The following WARS2 variants were observed in gnomAD, a reference collection of about 807,000 sequenced individuals.
WARS2 encodes the protein tryptophanyl tRNA synthetase 2, mitochondrial.
A neutral mutation model predicts 36.5 loss-of-function variants in WARS2; 28 were observed. The observed-to-expected ratio is 0.77, with a 90% CI of 0.57 to 1.05. The LOEUF (loss-of-function observed/expected upper bound fraction) is 1.05. WARS2 is among the 50% of genes least tolerant of loss of function. The pLI, the probability that WARS2 is intolerant of heterozygous loss-of-function variation, is 0.00. For synonymous variants in WARS2, 174 were observed against 178.4 expected (o/e 0.98, Z 0.20); for missense variants, 435 against 456.8 (o/e 0.95, Z 0.44).
At chr1:119,070,415 G>C (rs887181197) in intron 2 of WARS2, among the ~76,000 whole-genome samples, 2 of 151,968 alleles carry the variant, frequency 1.3e-5, no homozygotes, top group East Asian at 3.9e-4. Flanking sequence ...ACAGGCGTGC[G>C]ACACCACGCC....
chr1:119,105,893 G>A (rs1190772554), intron 1 of WARS2, among the ~76,000 whole-genome samples: 2 of 152,160 alleles, frequency 1.3e-5, no homozygotes, highest in African/African-American at 2.4e-5. Flanking sequence ...CTAAGCAACA[G>A]AGTGAGACTC....
intron 1 of WARS2, among the ~76,000 whole-genome samples, chr1:119,109,636 G>T (rs1654491489): frequency 6.6e-6 from 1 of 151,546 alleles, no homozygotes; most frequent in Non-Finnish European, 1.5e-5. Context: ...ATTCTTGTTG[G>T]TTTTTTTGAT....
At chr1:119,117,896 T>C (rs1354726532) in intron 1 of WARS2, among the ~76,000 whole-genome samples, 5 of 152,160 alleles carry the variant, frequency 3.3e-5, no homozygotes, top group African/African-American at 1.2e-4. Context: ...ATCACATCAA[T>C]GGACCACCCT....
At chr1:119,067,611 T>G (rs1021899307) in intron 2 of WARS2, among the ~76,000 whole-genome samples, 2 of 152,192 alleles carry the variant, frequency 1.3e-5, no homozygotes, top group African/African-American at 4.8e-5. Flanking sequence ...TCAAGGAGCC[T>G]AGGGTGGGAG....
intron 4 of WARS2, among the ~76,000 whole-genome samples, chr1:119,035,948 G>A (rs1278035313): frequency 2.0e-5 from 3 of 152,318 alleles, no homozygotes; most frequent in East Asian, 3.9e-4. Flanking sequence ...GCTCACGCTT[G>A]TAATGCAGCA....
At chr1:119,051,048 T>C (rs1406810136) in intron 2 of WARS2, among the ~76,000 whole-genome samples, 2 of 152,192 alleles carry the variant, frequency 1.3e-5, no homozygotes, top group Non-Finnish European at 2.9e-5. Context: ...AATTTTATTT[T>C]AGGTTCAGGA....
At chr1:119,039,566 A>T (rs1031398476) in intron 4 of WARS2, among the ~76,000 whole-genome samples, 1 of 152,154 alleles carries the variant, frequency 6.6e-6, no homozygotes, top group Non-Finnish European at 1.5e-5. Context: ...AACTATGAAC[A>T]CTTGCTATTT....
chr1:119,077,859 T>C (rs1651868222), intron 1 of WARS2, among the ~76,000 whole-genome samples: 1 of 152,176 alleles, frequency 6.6e-6, no homozygotes. Context: ...TCAATAAATA[T>C]ACTGTAACTA....
chr1:119,067,830 T>G (rs1053204856), intron 2 of WARS2, among the ~76,000 whole-genome samples: 17 of 151,896 alleles, frequency 1.1e-4, no homozygotes, highest in African/African-American at 3.9e-4. Context: ...TTTTCACTAC[T>G]GTTTTGACAG....
At chr1:119,064,961 T>G (rs1450833614) in intron 2 of WARS2, among the ~76,000 whole-genome samples, 8 of 152,188 alleles carry the variant, frequency 5.3e-5, no homozygotes, top group African/African-American at 4.8e-5. Context: ...AATAGAACAT[T>G]TGTAAAAATT....
At chr1:119,114,198 C>G (rs1397939876) in intron 1 of WARS2, among the ~76,000 whole-genome samples, 1 of 152,112 alleles carries the variant, frequency 6.6e-6, no homozygotes, top group African/African-American at 2.4e-5. Context: ...AACAGCCTTT[C>G]CTCTTTTATT....
intron 2 of WARS2, chr1:119,064,692 C>A: frequency 6.2e-6 from 1 of 162,372 alleles, no homozygotes; most frequent in Non-Finnish European, 1.3e-5. Context: ...TTTCTCTTGC[C>A]GCTGGTGTGT....
rs17023124 is a variant in WARS2 at position 119,037,689 on chromosome 1, C to T, written c.516-3476G>A. Reference sequence around the variant, plus strand: ...GGAGGAGAGATAATACCCAATGAAGCTTTAAATTCTTCTGGCCAGTCCTCC... The same window carrying T: ...GGAGGAGAGATAATACCCAATGAAGTTTTAAATTCTTCTGGCCAGTCCTCC... On this transcript the variant is annotated intron_variant, in intron 4 of 5. Coordinates refer to ENST00000235521, the MANE Select transcript of WARS2 (RefSeq NM_015836.4). Among the ~76,000 whole-genome samples, 1,175 of 152,292 alleles carry T rather than the reference C, an allele frequency of 7.7e-3. 16 individuals carry two copies. The highest frequency in any genetic ancestry group is 0.027 in the African/African-American group (1,118 of 41,554).
intron 1 of WARS2, among the ~76,000 whole-genome samples, chr1:119,129,386 T>C (rs1236746656): frequency 6.6e-6 from 1 of 152,130 alleles, no homozygotes; most frequent in East Asian, 1.9e-4. Flanking sequence ...CAGTTAGACA[T>C]AGATTTACCA....
chr1:119,080,969 T>C (rs1457317257), intron 1 of WARS2, among the ~76,000 whole-genome samples: 1 of 152,224 alleles, frequency 6.6e-6, no homozygotes. Flanking sequence ...TGTTAGAAAG[T>C]AGGTCTTCAT....
At chr1:119,139,067 G>A (rs1266923205) in intron 1 of WARS2, among the ~76,000 whole-genome samples, 1 of 152,086 alleles carries the variant, frequency 6.6e-6, no homozygotes, top group Non-Finnish European at 1.5e-5. Flanking sequence ...GGGGAAGTTT[G>A]GGTCTACGGC....
intron 1 of WARS2, among the ~76,000 whole-genome samples, chr1:119,098,273 C>T (rs587627415): frequency 9.1e-4 from 138 of 151,844 alleles, no homozygotes; most frequent in Non-Finnish European, 1.5e-3. Context: ...CAAAACAACC[C>T]CTAATACATT....
At chr1:119,084,049 T>C (rs1179355292) in intron 1 of WARS2, among the ~76,000 whole-genome samples, 1 of 150,182 alleles carries the variant, frequency 6.7e-6, no homozygotes, top group Non-Finnish European at 1.5e-5. Flanking sequence ...TGAGACAGAG[T>C]GTCTCTCTGT....
In WARS2 at chr1:119,066,705, G is replaced by T. The variant is rs116188798; in HGVS notation, c.348+9645C>A. On this transcript the variant is annotated intron_variant, in intron 2 of 5. Coordinates refer to ENST00000235521, the MANE Select transcript of WARS2 (RefSeq NM_015836.4). ...GTAGTCAGGGAAATTCAAACAATAAGATGGCACATTTCATGCATTACAGTG... is the reference window on the plus strand; with the variant it reads ...GTAGTCAGGGAAATTCAAACAATAATATGGCACATTTCATGCATTACAGTG... 1.8e-3 allele frequency among the ~76,000 whole-genome samples: 274 copies of T among 152,182 alleles called. 1 individual carries two copies. The highest frequency in any genetic ancestry group is 5.9e-3 in the African/African-American group (244 of 41,520).
Sources: gnomAD v4.1 joint callset for allele counts (sites outside exome capture counted in the v4.1 genomes callset) on GRCh38, gnomAD v4.1.1 for gene constraint, MANE v1.5 for transcripts, NCBI Gene and HGNC (gene_info 2026-07-23, HGNC 2026-07-21) for gene names.